CSMD1: variants seen among roughly 807,000 people sequenced by gnomAD.
CSMD1 encodes CUB and sushi domain-containing protein 1.
CSMD1 carries 213 observed loss-of-function variants against 417.5 expected under a neutral mutation model. The observed-to-expected ratio is 0.51, with a 90% CI of 0.46 to 0.57. The LOEUF (loss-of-function observed/expected upper bound fraction) is 0.57. Among genes scored for constraint, CSMD1 ranks in the 20% least tolerant of loss-of-function variants. The pLI, the probability that CSMD1 is intolerant of heterozygous loss-of-function variation, is 0.00. For missense variants in CSMD1, 6,923 were observed against 4,529.7 expected (o/e 1.53, Z -15.17); for synonymous variants, 2,862 against 1,736.8 (o/e 1.65, Z -16.11).
At chr8:3,860,035 T>C (rs1214479895) in intron 5 of CSMD1, among the ~76,000 whole-genome samples, 1 of 152,318 alleles carries the variant, frequency 6.6e-6, no homozygotes, top group East Asian at 1.9e-4. Flanking sequence ...AATGTGCTTG[T>C]GGAGGGTCAT....
chr8:4,068,510 T>C (rs1799376255), intron 3 of CSMD1, among the ~76,000 whole-genome samples: 1 of 152,340 alleles, frequency 6.6e-6, no homozygotes, highest in East Asian at 1.9e-4. Context: ...AAAACAGGTT[T>C]AGTTTTTACG....
chr8:4,467,424 C>A (rs1388172673), intron 2 of CSMD1, among the ~76,000 whole-genome samples: 1 of 151,586 alleles, frequency 6.6e-6, no homozygotes, highest in East Asian at 1.9e-4. Context: ...CCGTCTTAGA[C>A]TACCAAGCAG....
chr8:3,642,817 A>T (rs1797372287), intron 7 of CSMD1, among the ~76,000 whole-genome samples: 2 of 152,098 alleles, frequency 1.3e-5, no homozygotes, highest in South Asian at 4.1e-4. Flanking sequence ...ACCCCCAGAG[A>T]TGAAATTATA....
chr8:3,293,158 C>G (rs1167486213), intron 25 of CSMD1, among the ~76,000 whole-genome samples: 2 of 152,058 alleles, frequency 1.3e-5, no homozygotes, highest in Non-Finnish European at 2.9e-5. Context: ...ATTGCCCCCA[C>G]TCTCTTCTGG....
At chr8:4,859,163 G>A (rs1301110329) in intron 1 of CSMD1, among the ~76,000 whole-genome samples, 11 of 151,650 alleles carry the variant, frequency 7.3e-5, no homozygotes, top group Admixed American at 3.9e-4. Context: ...CAAGCAATGG[G>A]GAAAGGATTC....
At chr8:3,514,447 T>C (rs1376741244) in intron 10 of CSMD1, among the ~76,000 whole-genome samples, 4 of 152,190 alleles carry the variant, frequency 2.6e-5, no homozygotes, top group African/African-American at 9.7e-5. Flanking sequence ...CCCCATCTGC[T>C]CACGGGTCAT....
At chr8:4,719,778 T>C (rs911468814) in intron 1 of CSMD1, among the ~76,000 whole-genome samples, 4 of 152,214 alleles carry the variant, frequency 2.6e-5, no homozygotes, top group African/African-American at 9.6e-5. Flanking sequence ...TACAAATTAT[T>C]ATTTCCCTTT....
intron 3 of CSMD1, among the ~76,000 whole-genome samples, chr8:4,066,170 G>C (rs1234609704): frequency 1.3e-5 from 2 of 152,168 alleles, no homozygotes; most frequent in East Asian, 1.9e-4. Flanking sequence ...TATTTCTAAA[G>C]ATTCACATTC....
At chr8:4,992,777 TG>T (rs1314691411) in intron 1 of CSMD1, among the ~76,000 whole-genome samples, 1 of 152,220 alleles carries the variant, frequency 6.6e-6, no homozygotes, top group Non-Finnish European at 1.5e-5. Flanking sequence ...GCATCCGGAC[TG>T]AGCCGGGCGG....
At chr8:3,748,391 G>A (rs557228745) in intron 6 of CSMD1, among the ~76,000 whole-genome samples, 2 of 152,210 alleles carry the variant, frequency 1.3e-5, no homozygotes, top group South Asian at 2.1e-4. Flanking sequence ...AGCAAGGGAG[G>A]TCCACTGCCA....
intron 3 of CSMD1, among the ~76,000 whole-genome samples, chr8:4,247,704 G>C (rs1802797481): frequency 6.6e-6 from 1 of 152,008 alleles, no homozygotes; most frequent in Admixed American, 6.6e-5. Context: ...TTTTATTTTG[G>C]TACACATACT....
At chr8:3,871,251 T>A (rs1434237515) in intron 5 of CSMD1, among the ~76,000 whole-genome samples, 3 of 152,072 alleles carry the variant, frequency 2.0e-5, no homozygotes, top group African/African-American at 4.8e-5. Flanking sequence ...ATTTTAGCAC[T>A]TAATAATGCC....
chr8:4,212,129 G>C (rs1049405558), intron 3 of CSMD1, among the ~76,000 whole-genome samples: 1 of 151,144 alleles, frequency 6.6e-6, no homozygotes, highest in South Asian at 2.1e-4. Context: ...TGTAGGAGAA[G>C]AAGTGTCCTT....
At chr8:3,485,932 C>T (rs574509496) in intron 11 of CSMD1, among the ~76,000 whole-genome samples, 6 of 152,008 alleles carry the variant, frequency 3.9e-5, no homozygotes, top group African/African-American at 7.2e-5. Context: ...ACTGGAGATC[C>T]GGACGAAGTC....
chr8:4,231,630 C>A (rs570754619), intron 3 of CSMD1, among the ~76,000 whole-genome samples: 1 of 152,174 alleles, frequency 6.6e-6, no homozygotes, highest in Non-Finnish European at 1.5e-5. Context: ...CAGATATCTT[C>A]TTTACTGCAG....
intron 6 of CSMD1, among the ~76,000 whole-genome samples, chr8:3,713,220 T>G (rs1354380343): frequency 6.6e-6 from 1 of 152,298 alleles, no homozygotes; most frequent in African/African-American, 2.4e-5. Flanking sequence ...TTACTTTAGT[T>G]TTCCTTTTTT....
At chr8:4,914,386 C>T (rs1426971215) in intron 1 of CSMD1, among the ~76,000 whole-genome samples, 2 of 151,918 alleles carry the variant, frequency 1.3e-5, no homozygotes, top group Non-Finnish European at 2.9e-5. Context: ...ACCATCCTGG[C>T]TAACACGGTG....
intron 3 of CSMD1, among the ~76,000 whole-genome samples, chr8:4,398,148 G>T (rs1169613701): frequency 6.6e-6 from 1 of 152,076 alleles, no homozygotes. Flanking sequence ...TAGAGCAGGT[G>T]GTTCTACAAT....
intron 1 of CSMD1, among the ~76,000 whole-genome samples, chr8:4,798,852 T>C (rs1006017422): frequency 2.6e-5 from 4 of 152,222 alleles, no homozygotes; most frequent in African/African-American, 9.6e-5. Flanking sequence ...AACCTCTGTA[T>C]ATCACAGATG....
Sources: allele counts gnomAD v4.1 joint callset (sites outside exome capture counted in the v4.1 genomes callset), GRCh38; gene constraint gnomAD v4.1.1; transcripts MANE v1.5; gene names NCBI Gene and HGNC (gene_info 2026-07-23, HGNC 2026-07-21).